The following CCT5 variants were observed in gnomAD, a reference collection of about 807,000 sequenced individuals.
CCT5 encodes the protein chaperonin containing TCP1 subunit 5.
CCT5 carries 6 observed loss-of-function variants against 55.0 expected under a neutral mutation model. The observed-to-expected ratio is 0.11, with a 90% CI of 0.06 to 0.22. The LOEUF is 0.22. Among genes scored for constraint, CCT5 ranks in the 10% least tolerant of loss-of-function variants. The pLI, the probability that CCT5 is intolerant of heterozygous loss-of-function variation, is 1.00. For synonymous variants in CCT5, 231 were observed against 243.7 expected, an observed-to-expected ratio of 0.95 and a Z score of 0.49; for missense variants, 560 against 694.6, an observed-to-expected ratio of 0.81 and a Z score of 2.18.
At chr5:10,255,086 G>A (rs1745606161) in intron 3 of CCT5, 1 of 512,596 alleles carries the variant, frequency 2.0e-6, no homozygotes, top group Admixed American at 3.2e-5. Context: ...GATTTTGCTT[G>A]TCTTTTAAGC....
intron 2 of CCT5, 186 bp downstream of exon 2, chr5:10,254,391 CCTT>C: frequency 1.8e-6 from 1 of 546,332 alleles, no homozygotes; most frequent in Non-Finnish European, 3.2e-6. Context: ...TTAGGTCGGA[CCTT>C]TTTTTTTTTT....
At chr5:10,250,474 G>A (rs1158148643) in intron 1 of CCT5, 29 bp downstream of exon 1, 1 of 1,611,050 alleles carries the variant, frequency 6.2e-7, no homozygotes, top group East Asian at 2.2e-5. Flanking sequence ...GCTCGCGGTG[G>A]GCTAAGGGGA....
At chr5:10,250,540 T>G (rs1287101093) in intron 1 of CCT5, 95 bp downstream of exon 1, 4 of 1,557,266 alleles carry the variant, frequency 2.6e-6, no homozygotes, top group East Asian at 2.4e-5. Flanking sequence ...CTCTGCCATG[T>G]GCTCCCCGGA....
intron 8 of CCT5, 53 bp from the exon 9 acceptor site, chr5:10,262,428 C>T: frequency 6.2e-7 from 1 of 1,609,092 alleles, no homozygotes; most frequent in Non-Finnish European, 8.5e-7. Context: ...ATACTTGGCT[C>T]TAAATTGACT....
rs1213812456 is a variant in CCT5, at chr5:10,265,653, T to A, written c.*870T>A. On this transcript the variant is annotated 3_prime_UTR_variant, in exon 11 of 11. Transcript: ENST00000280326. ...ACAACCCAGTGAGGCAGATACACTT[T>A]CTTACTGCTCACATCTTACAGGTGA... 1.3e-5 allele frequency: 2 copies of A among 152,076 alleles called. No homozygotes were observed. Among genetic ancestry groups the A allele is most frequent in the Admixed American group, 6.6e-5 (1 of 15,266 alleles). The allele number at this position is 152,076 out of a possible 1,614,324, so 9.4% of individuals were successfully genotyped here. A position where few individuals can be genotyped will look rare whatever the true frequency, so the allele number is the denominator to read the frequency against.
In CCT5 at chr5:10,264,911, C is replaced by T; in HGVS notation, c.*128C>T. Reference sequence around the variant, plus strand: ...ACTGTAGATGCTATAATAAAAATAGCTGTTTGGTAACCATAGTTTCACTTG... The same window carrying T: ...ACTGTAGATGCTATAATAAAAATAGTTGTTTGGTAACCATAGTTTCACTTG... On this transcript the variant is annotated 3_prime_UTR_variant, in exon 11 of 11. Coordinates refer to ENST00000280326, the MANE Select transcript of CCT5 (RefSeq NM_012073.5). 8.0e-7 allele frequency: 1 copy of T among 1,246,564 alleles called. No individual in the cohort carries two copies. The highest frequency in any genetic ancestry group is 1.1e-6 in the Non-Finnish European group (1 of 878,462). The allele number at this position is 1,246,564 out of a possible 1,614,324, so 77.2% of individuals were successfully genotyped here.
chr5:10,260,532 A>G (rs961456723), intron 6 of CCT5, among the ~76,000 whole-genome samples: 11 of 76,106 alleles, frequency 1.4e-4, no homozygotes, highest in Non-Finnish European at 2.3e-4. Flanking sequence ...CACTGTAACA[A>G]TAGGGTTCAG....
In CCT5 at chr5:10,265,042, C is replaced by A; in HGVS notation, c.*259C>A. The A allele has an allele frequency of 2.4e-6, 1 of 412,440 alleles. No individual in the cohort carries two copies. The highest frequency in any genetic ancestry group is 4.4e-6 in the Non-Finnish European group (1 of 228,044). The allele number at this position is 412,440 out of a possible 1,614,324, so 25.5% of individuals were successfully genotyped here. A position where few individuals can be genotyped will look rare whatever the true frequency, so the allele number is the denominator to read the frequency against. On this transcript the variant is annotated 3_prime_UTR_variant, in exon 11 of 11. Coordinates refer to ENST00000280326, the MANE Select transcript of CCT5 (RefSeq NM_012073.5). ...TTATCTTCTCTTCGGGTTTAAGAAA[C>A]GTTTATTGTAACAGTAATTAAATGC...
At position 10,254,637 on chromosome 5, in the gene CCT5, G is replaced by GT. The variant is rs567693301; in HGVS notation, c.167-31dup. 797 of 1,609,416 alleles carry GT rather than the reference G, an allele frequency of 5.0e-4. 5 individuals carry two copies. Among genetic ancestry groups the GT allele is most frequent in the South Asian group, 3.7e-3 (337 of 91,000 alleles). ...TTATAGTTTGTGATATTGGTTGCCA[G>GT]TTTTTTGCGCAAAGCCTACTAAACG... On this transcript the variant is annotated intron_variant, in intron 2 of 10. Coordinates refer to ENST00000280326, the MANE Select transcript of CCT5 (RefSeq NM_012073.5).
intron 9 of CCT5, 48 bp downstream of exon 9, chr5:10,262,666 G>A: frequency 6.2e-7 from 1 of 1,602,828 alleles, no homozygotes; most frequent in Non-Finnish European, 8.5e-7. Context: ...CTCGCTGATG[G>A]TGGAGACTGT....
intron 10 of CCT5, chr5:10,264,454 T>G (rs1746126888): frequency 5.5e-6 from 3 of 548,328 alleles, no homozygotes; most frequent in African/African-American, 1.9e-5. Context: ...CTTTACCAGG[T>G]GCGAGTTCCA....
intron 1 of CCT5, among the ~76,000 whole-genome samples, chr5:10,252,793 C>G (rs978594377): frequency 1.8e-4 from 27 of 152,238 alleles, no homozygotes; most frequent in African/African-American, 6.5e-4. Context: ...ACACACAGAA[C>G]TAGCAGAAGG....
chr5:10,253,801 G>A (rs1292131285), intron 1 of CCT5, among the ~76,000 whole-genome samples: 1 of 152,202 alleles, frequency 6.6e-6, no homozygotes, highest in East Asian at 1.9e-4. Context: ...GATGCTCAGG[G>A]AGGACTGTGT....
Position 10,258,498 on chromosome 5 carries a change from A to C in CCT5, c.836A>C (p.Lys279Thr), listed in dbSNP as rs754962890. 1 of 1,614,056 alleles carries C rather than the reference A, an allele frequency of 6.2e-7. No homozygotes were observed. The highest frequency in any genetic ancestry group is 8.5e-7 in the Non-Finnish European group (1 of 1,179,932). ...TSVEDYKALQ[K>T]YEKEKFEEMI... ...GTCGAAGATTATAAAGCCCTTCAGA[A>C]ATACGAAAAGGAGAAATTTGAAGAG... is the stretch of plus-strand genomic sequence containing the variant. Residue 279 changes from lysine to threonine, a missense_variant, in exon 6 of 11, where the codon AAA becomes ACA. Physicochemically the swap from Lys to Thr is moderately conservative, Grantham distance 78. Around this residue, in one of 4 missense-constraint regions of CCT5, gnomAD observed 256 missense variants for 372.4 expected, o/e 0.69. Coordinates refer to ENST00000280326, the MANE Select transcript of CCT5 (RefSeq NM_012073.5).
upstream of CCT5, chr5:10,249,924 A>C (rs761130520): frequency 3.5e-5 from 41 of 1,165,020 alleles, no homozygotes; most frequent in Middle Eastern, 3.2e-4. Context: ...AAAAAAAAAA[A>C]AAAAAAAAAA....
Position 10,260,860 on chromosome 5 carries a change from T to A in CCT5, c.942T>A (p.Leu314=), listed in dbSNP as rs547500718. 1.4e-5 allele frequency: 22 copies of A among 1,614,186 alleles called. No homozygotes were observed. In the East Asian group the frequency reaches 4.5e-4, roughly 33 times the overall value. ...WGFDDEANHL[L]LQNNLPAVRW... Reference sequence around the variant, plus strand: ...TTGATGATGAAGCAAATCACTTACTTCTTCAGAACAACTTGCCTGCGGTTC... The same window carrying A: ...TTGATGATGAAGCAAATCACTTACTACTTCAGAACAACTTGCCTGCGGTTC... The change falls in exon 7 of 11, where the codon CTT becomes CTA. Residue 314 remains leucine, a synonymous_variant. Transcript: ENST00000280326.
chr5:10,253,181 T>C (rs1345370978), intron 1 of CCT5, among the ~76,000 whole-genome samples: 1 of 151,622 alleles, frequency 6.6e-6, no homozygotes, highest in Non-Finnish European at 1.5e-5. Flanking sequence ...CAAAAAAAAA[T>C]GAGCAGGGCG....
At position 10,258,332 on chromosome 5, in the gene CCT5, C is replaced by T. The variant is rs1745784047; in HGVS notation, c.723+29C>T. 8 of 1,613,944 alleles carry T rather than the reference C, an allele frequency of 5.0e-6. No individual in the cohort carries two copies. In the African/African-American group the frequency reaches 6.7e-5, roughly 13 times the overall value. On this transcript the variant is annotated intron_variant, in intron 5 of 10. Transcript: ENST00000280326. ...AGCCATTGCATCTCACAGCTTCGCA[C>T]TGTTGGTTAACTCTTAATTCCACCA... is the stretch of plus-strand genomic sequence containing the variant.
At chr5:10,251,835 T>C (rs1429229119) in intron 1 of CCT5, among the ~76,000 whole-genome samples, 1 of 152,234 alleles carries the variant, frequency 6.6e-6, no homozygotes, top group Non-Finnish European at 1.5e-5. Context: ...GAAAATAACA[T>C]CCAATACACA....
Sources: allele counts gnomAD v4.1 joint callset (sites outside exome capture counted in the v4.1 genomes callset), GRCh38; gene constraint gnomAD v4.1.1; regional missense constraint gnomAD v4.1.1; transcripts MANE v1.5; gene names NCBI Gene and HGNC (gene_info 2026-07-23, HGNC 2026-07-21).